The following ADAMTS6 variants were observed in gnomAD, a reference collection of about 807,000 sequenced individuals.
The protein encoded by ADAMTS6 is A disintegrin and metalloproteinase with thrombospondin motifs 6.
A neutral mutation model predicts 144.3 loss-of-function variants in ADAMTS6; 23 were observed. The observed-to-expected ratio is 0.16, with a 90% confidence interval of 0.11 to 0.23. The LOEUF is 0.23. ADAMTS6 is among the 10% of genes least tolerant of loss of function. ADAMTS6 has a pLI of 1.00. For missense variants in ADAMTS6, 999 were observed against 1,379.6 expected (o/e 0.72, Z 4.37); for synonymous variants, 444 against 457.5 (o/e 0.97, Z 0.38).
chr5:65,397,888 A>AC (rs1252348172), intron 7 of ADAMTS6, among the ~76,000 whole-genome samples: 4 of 151,614 alleles, frequency 2.6e-5, no homozygotes, highest in African/African-American at 9.7e-5. Context: ...AAAAAAAAAA[A>AC]AAAAAAAAAG....
At chr5:65,293,134 G>A (rs1412799664) in intron 10 of ADAMTS6, among the ~76,000 whole-genome samples, 6 of 151,846 alleles carry the variant, frequency 4.0e-5, no homozygotes, top group Non-Finnish European at 8.8e-5. Flanking sequence ...ATAGTACAAT[G>A]GAAAAAGAAC....
intron 12 of ADAMTS6, among the ~76,000 whole-genome samples, chr5:65,270,568 C>G (rs1761974250): frequency 6.6e-6 from 1 of 152,160 alleles, no homozygotes; most frequent in Non-Finnish European, 1.5e-5. Flanking sequence ...ACTGCTCTAT[C>G]CTTTTCCTTT....
At chr5:65,316,748 A>T (rs1453488797) in intron 9 of ADAMTS6, among the ~76,000 whole-genome samples, 1 of 152,052 alleles carries the variant, frequency 6.6e-6, no homozygotes, top group Non-Finnish European at 1.5e-5. Context: ...AAAAATAAAC[A>T]TTTCCTTTTT....
intron 24 of ADAMTS6, among the ~76,000 whole-genome samples, chr5:65,160,101 T>C (rs1188040451): frequency 6.6e-6 from 1 of 152,192 alleles, no homozygotes; most frequent in African/African-American, 2.4e-5. Flanking sequence ...CTGTGGCCCA[T>C]TTAATTCATA....
chr5:65,320,951 C>T (rs1328387251), intron 9 of ADAMTS6, among the ~76,000 whole-genome samples: 3 of 151,996 alleles, frequency 2.0e-5, no homozygotes, highest in African/African-American at 7.2e-5. Flanking sequence ...AGTCTGTTAT[C>T]GATGGCCATT....
In ADAMTS6 at chr5:65,452,854, T is replaced by A. The variant is rs1309615; in HGVS notation, c.696A>T (p.Pro232=). 5.0e-6 allele frequency: 8 copies of A among 1,613,982 alleles called. No individual in the cohort carries two copies. The African/African-American group carries it at 1.1e-4, about 22-fold the overall frequency. ...NDTSTVSYSL[P]INNTHIHHRQ... ...TGTGGTGGATATGTGTGTTGTTAAT[T>A]GGTAGTGAATAAGAAACAGTGGATG... Residue 232 remains proline, a synonymous_variant, in exon 5 of 25, where the codon CCA becomes CCT. Coordinates refer to ENST00000381055, the MANE Select transcript of ADAMTS6 (RefSeq NM_197941.4).
intron 22 of ADAMTS6, among the ~76,000 whole-genome samples, chr5:65,180,496 C>G (rs914806780): frequency 6.6e-6 from 1 of 152,118 alleles, no homozygotes; most frequent in African/African-American, 2.4e-5. Flanking sequence ...TAATCCAACT[C>G]CAAAATCTGT....
At chr5:65,284,395 C>G (rs973359279) in intron 11 of ADAMTS6, among the ~76,000 whole-genome samples, 3 of 151,850 alleles carry the variant, frequency 2.0e-5, no homozygotes, top group South Asian at 2.1e-4. Context: ...ATGCACTACC[C>G]CATATTTTTA....
At chr5:65,467,389 A>G (rs1335662710) in intron 3 of ADAMTS6, among the ~76,000 whole-genome samples, 1 of 152,048 alleles carries the variant, frequency 6.6e-6, no homozygotes, top group Non-Finnish European at 1.5e-5. Flanking sequence ...ATAGTTAGCC[A>G]TGTTATAAGT....
chr5:65,216,947 G>A (rs1188664613), intron 18 of ADAMTS6, among the ~76,000 whole-genome samples: 2 of 152,042 alleles, frequency 1.3e-5, no homozygotes, highest in African/African-American at 4.8e-5. Context: ...ACTTTGATTC[G>A]TCAGACCTGA....
intron 7 of ADAMTS6, among the ~76,000 whole-genome samples, chr5:65,445,671 T>G (rs1164576966): frequency 2.0e-5 from 3 of 152,102 alleles, no homozygotes; most frequent in Non-Finnish European, 2.9e-5. Flanking sequence ...AGTGTCCCAG[T>G]GTACACAAGA....
chr5:65,339,517 T>A (rs1747622684), intron 7 of ADAMTS6, among the ~76,000 whole-genome samples: 1 of 141,254 alleles, frequency 7.1e-6, no homozygotes, highest in African/African-American at 2.6e-5. Flanking sequence ...AGAAACCAAA[T>A]CATAAGGAAA....
Position 65,454,954 on chromosome 5 carries a change from C to A in ADAMTS6, c.632-2036G>T, listed in dbSNP as rs539461177. ...TACTAAAAGTATACTGAGTAAGCCA[C>A]TAGGTTTTATTGGCTAATATTGTTA... On this transcript the variant is annotated intron_variant, in intron 4 of 24. Coordinates refer to ENST00000381055, the MANE Select transcript of ADAMTS6 (RefSeq NM_197941.4). Among the ~76,000 whole-genome samples the A allele has an allele frequency of 6.6e-5, 10 of 152,320 alleles. 1 individual carries two copies. In the South Asian group the frequency reaches 1.7e-3, roughly 25 times the overall value.
intron 8 of ADAMTS6, among the ~76,000 whole-genome samples, chr5:65,331,653 G>C (rs1329691697): frequency 2.6e-5 from 4 of 151,946 alleles, no homozygotes; most frequent in Non-Finnish European, 4.4e-5. Flanking sequence ...TCCTCAGCTT[G>C]ATGGCCACAG....
At chr5:65,325,852 ATTAAT>A (rs1476111760) in intron 9 of ADAMTS6, among the ~76,000 whole-genome samples, 2 of 152,142 alleles carry the variant, frequency 1.3e-5, no homozygotes, top group Non-Finnish European at 2.9e-5. Context: ...CTCAATCATG[ATTAAT>A]AAATGAGTTA....
At chr5:65,199,104 ATTTTTTTT>A (rs200432376) in intron 20 of ADAMTS6, among the ~76,000 whole-genome samples, 1 of 151,116 alleles carries the variant, frequency 6.6e-6, no homozygotes, top group Admixed American at 6.6e-5. Flanking sequence ...ACAGCAGGGG[ATTTTTTTT>A]TATTGGTTAG....
chr5:65,246,683 G>A (rs1457969195), intron 14 of ADAMTS6, among the ~76,000 whole-genome samples: 2 of 152,176 alleles, frequency 1.3e-5, no homozygotes, highest in Non-Finnish European at 2.9e-5. Context: ...TGAGGCAGGA[G>A]TGTATTCAGG....
At chr5:65,357,953 A>C (rs1451852375) in intron 7 of ADAMTS6, among the ~76,000 whole-genome samples, 1 of 152,016 alleles carries the variant, frequency 6.6e-6, no homozygotes, top group Non-Finnish European at 1.5e-5. Flanking sequence ...AAGACTGAAA[A>C]AGAGGAAATA....
At chr5:65,278,671 C>A (rs1762749878) in intron 11 of ADAMTS6, among the ~76,000 whole-genome samples, 1 of 152,118 alleles carries the variant, frequency 6.6e-6, no homozygotes. Flanking sequence ...ATGCCAATTT[C>A]TTCTTATATC....
Sources: allele counts gnomAD v4.1 joint callset (sites outside exome capture counted in the v4.1 genomes callset), GRCh38; gene constraint gnomAD v4.1.1; transcripts MANE v1.5; gene names NCBI Gene and HGNC (gene_info 2026-07-23, HGNC 2026-07-21).